MIPOL1: variants seen among roughly 807,000 people sequenced by gnomAD.
MIPOL1 encodes the protein mirror-image polydactyly 1.
Under a neutral mutation model 60.9 loss-of-function variants are expected in MIPOL1, and 57 were observed. The observed-to-expected ratio is 0.94, with a 90% CI of 0.76 to 1.17. The LOEUF (loss-of-function observed/expected upper bound fraction) is 1.17, where lower values mean the gene tolerates loss of function less well. MIPOL1 is among the 50% of genes most tolerant of loss of function. The probability of loss-of-function intolerance (pLI) is 0.00; values close to 1 mark genes in which losing one functional copy is unlikely to be tolerated. For missense variants in MIPOL1, 551 were observed against 511.6 expected (o/e 1.08, Z -0.74); for synonymous variants, 179 against 168.8 (o/e 1.06, Z -0.47).
intron 9 of MIPOL1, among the ~76,000 whole-genome samples, chr14:37,348,370 A>G (rs1461761289): frequency 2.0e-5 from 3 of 152,226 alleles, no homozygotes; most frequent in African/African-American, 7.2e-5. Flanking sequence ...ATATGGTCCC[A>G]GAGAATAAAA....
At chr14:37,478,617 G>C (rs527919367) in intron 11 of MIPOL1, among the ~76,000 whole-genome samples, 20 of 152,008 alleles carry the variant, frequency 1.3e-4, no homozygotes, top group African/African-American at 4.8e-4. Flanking sequence ...AGAGGACATA[G>C]AGTGGCTGAA....
intron 6 of MIPOL1, among the ~76,000 whole-genome samples, chr14:37,282,747 C>CAA (rs59301708): frequency 0.62 from 42,207 of 67,904 alleles, 14,048 homozygotes; most frequent in East Asian, 0.71. Flanking sequence ...GACCCTGTCT[C>CAA]AAAAAAAAAA....
intron 6 of MIPOL1, among the ~76,000 whole-genome samples, chr14:37,281,895 G>A (rs983201027): frequency 4.6e-5 from 7 of 152,070 alleles, no homozygotes; most frequent in African/African-American, 7.2e-5. Flanking sequence ...AATCTTTAGA[G>A]TAATACCTTA....
intron 11 of MIPOL1, among the ~76,000 whole-genome samples, chr14:37,492,648 C>G (rs2095061689): frequency 6.6e-6 from 1 of 152,042 alleles, no homozygotes; most frequent in Admixed American, 6.6e-5. Flanking sequence ...AATTAATATT[C>G]AGTAGGTAAG....
At chr14:37,200,304 T>TA (rs1965025566) in intron 1 of MIPOL1, among the ~76,000 whole-genome samples, 1 of 152,224 alleles carries the variant, frequency 6.6e-6, no homozygotes, top group South Asian at 2.1e-4. Context: ...TTTAAATATG[T>TA]AAAAACAATT....
At chr14:37,525,354 G>A (rs945538331) in intron 12 of MIPOL1, among the ~76,000 whole-genome samples, 2 of 152,174 alleles carry the variant, frequency 1.3e-5, no homozygotes, top group African/African-American at 4.8e-5. Context: ...GGTGAATCAA[G>A]GAAGGTTTTA....
intron 11 of MIPOL1, among the ~76,000 whole-genome samples, chr14:37,471,796 A>G (rs542222279): frequency 1.3e-5 from 2 of 151,900 alleles, no homozygotes; most frequent in African/African-American, 4.8e-5. Flanking sequence ...ATTTTCATCC[A>G]CCCTCCTTCA....
At chr14:37,378,068 T>C (rs950316062) in intron 10 of MIPOL1, among the ~76,000 whole-genome samples, 23 of 152,076 alleles carry the variant, frequency 1.5e-4, no homozygotes, top group South Asian at 2.1e-4. Context: ...TGTGGAGAAA[T>C]TGAATCTTTC....
intron 10 of MIPOL1, among the ~76,000 whole-genome samples, chr14:37,373,292 C>T (rs1315593114): frequency 6.6e-6 from 1 of 152,122 alleles, no homozygotes; most frequent in African/African-American, 2.4e-5. Flanking sequence ...CATGAGTCAC[C>T]AAGCCCAGCC....
chr14:37,295,856 G>A (rs538190946), intron 7 of MIPOL1, among the ~76,000 whole-genome samples: 5 of 152,232 alleles, frequency 3.3e-5, no homozygotes, highest in African/African-American at 9.6e-5. Flanking sequence ...GTAATCATGG[G>A]AGACTTTAAC....
intron 9 of MIPOL1, among the ~76,000 whole-genome samples, chr14:37,335,488 T>C (rs10144304): frequency 0.97 from 147,630 of 152,140 alleles, 71,692 homozygotes; most frequent in East Asian, 1. Flanking sequence ...CTAGGTACCT[T>C]ATATAGGTGG....
chr14:37,202,044 G>A (rs1263481938), intron 1 of MIPOL1, among the ~76,000 whole-genome samples: 3 of 152,022 alleles, frequency 2.0e-5, no homozygotes, highest in East Asian at 3.9e-4. Flanking sequence ...TTTGTTGTCC[G>A]GTCTAGTATC....
chr14:37,382,388 G>A (rs1406498546), intron 10 of MIPOL1, among the ~76,000 whole-genome samples: 1 of 151,944 alleles, frequency 6.6e-6, no homozygotes, highest in Non-Finnish European at 1.5e-5. Context: ...ATTGTCAAAT[G>A]CAATTAACTT....
intron 1 of MIPOL1, among the ~76,000 whole-genome samples, chr14:37,216,362 A>G (rs1445440516): frequency 6.6e-6 from 1 of 152,232 alleles, no homozygotes; most frequent in Non-Finnish European, 1.5e-5. Context: ...CACTTTCAGT[A>G]TTGAACATAT....
At chr14:37,335,662 G>A (rs1303275345) in intron 9 of MIPOL1, among the ~76,000 whole-genome samples, 1 of 152,070 alleles carries the variant, frequency 6.6e-6, no homozygotes, top group African/African-American at 2.4e-5. Flanking sequence ...TTCATCTGCT[G>A]ATGGCCATTT....
chr14:37,344,138 T>C (rs2090771209), intron 9 of MIPOL1, among the ~76,000 whole-genome samples: 1 of 152,096 alleles, frequency 6.6e-6, no homozygotes, highest in Non-Finnish European at 1.5e-5. Context: ...TCTATAATAT[T>C]GTGAAGCATC....
At chr14:37,375,536 G>C (rs1282410503) in intron 10 of MIPOL1, among the ~76,000 whole-genome samples, 1 of 152,000 alleles carries the variant, frequency 6.6e-6, no homozygotes, top group Non-Finnish European at 1.5e-5. Context: ...CCTTCCTACA[G>C]TTGGAACTGT....
At chr14:37,519,375 T>C (rs1017126453) in intron 12 of MIPOL1, among the ~76,000 whole-genome samples, 4 of 152,156 alleles carry the variant, frequency 2.6e-5, no homozygotes, top group African/African-American at 9.6e-5. Context: ...CCTAAACCAC[T>C]CAACCCTTTA....
At chr14:37,254,117 G>T (rs534984551) in intron 3 of MIPOL1, among the ~76,000 whole-genome samples, 49 of 151,746 alleles carry the variant, frequency 3.2e-4, no homozygotes, top group African/African-American at 1.1e-3. Context: ...TGGCCAGCAA[G>T]GATTGATTCA....
Sources: gnomAD v4.1 joint callset for allele counts (sites outside exome capture counted in the v4.1 genomes callset) on GRCh38, gnomAD v4.1.1 for gene constraint, MANE v1.5 for transcripts, NCBI Gene and HGNC (gene_info 2026-07-23, HGNC 2026-07-21) for gene names.